The following ZC3H12B variants were observed in gnomAD, a reference collection of about 807,000 sequenced individuals.
The protein encoded by ZC3H12B is probable ribonuclease ZC3H12B.
In ZC3H12B, 7 loss-of-function variants were observed where a neutral mutation model predicts 43.9. That is an observed-to-expected ratio of 0.16 (90% CI 0.09 to 0.30). The LOEUF (loss-of-function observed/expected upper bound fraction) is 0.30, where lower values mean the gene tolerates loss of function less well. Among genes scored for constraint, ZC3H12B ranks in the 10% least tolerant of loss-of-function variants. ZC3H12B has a pLI of 1.00. For synonymous variants in ZC3H12B, 222 were observed against 241.7 expected (o/e 0.92, Z 0.76); for missense variants, 475 against 670.2 (o/e 0.71, Z 3.22).
chrX:65,382,444 G>T (rs1249874417), intron 2 of ZC3H12B, among the ~76,000 whole-genome samples: 1 of 111,121 alleles, frequency 9.0e-6, no homozygotes, highest in African/African-American at 3.3e-5. Flanking sequence ...GTATTGATGG[G>T]ACGTATCTCA....
the ZC3H12B span, among the ~76,000 whole-genome samples, chrX:65,338,098 T>C: frequency 1.8e-5 from 2 of 112,185 alleles, no homozygotes; most frequent in Non-Finnish European, 3.8e-5. Flanking sequence ...ATAGTTTCTA[T>C]TGTATTGTTG....
Position 65,499,786 on chromosome X carries a change from GA to G in ZC3H12B, c.984-96del, listed in dbSNP as rs2068340342. 4.6e-6 allele frequency: 3 copies of G among 655,679 alleles called. No homozygotes were observed. The Admixed American group carries it at 8.4e-5, about 18-fold the overall frequency. 54.0% of individuals were successfully genotyped at this position (655,679 alleles called of 1,213,427 possible). On this transcript the variant is annotated intron_variant, in intron 3 of 4. Coordinates refer to ENST00000338957, the Ensembl canonical transcript of ZC3H12B. ...GCAGGAAGGGCAATTAGAAGGCTGT[GA>G]CAACAGTACAGGCAAGAGGTAATGA...
At chrX:65,153,899 C>T in the ZC3H12B span, among the ~76,000 whole-genome samples, 1 of 110,806 alleles carries the variant, frequency 9.0e-6, no homozygotes, top group Non-Finnish European at 1.9e-5. Flanking sequence ...ACTATGCAGC[C>T]ATAAAAAATG....
the ZC3H12B span, among the ~76,000 whole-genome samples, chrX:65,176,498 G>A: frequency 8.9e-6 from 1 of 111,848 alleles, no homozygotes; most frequent in Admixed American, 9.5e-5. Context: ...CAGCTCTGAA[G>A]AGAGCAACAG....
At chrX:65,249,952 T>C in the ZC3H12B span, among the ~76,000 whole-genome samples, 1 of 110,741 alleles carries the variant, frequency 9.0e-6, no homozygotes, top group African/African-American at 3.3e-5. Context: ...CTTTTTTTTA[T>C]TATACCTTAA....
chrX:65,044,870 C>G, the ZC3H12B span, among the ~76,000 whole-genome samples: 2 of 109,153 alleles, frequency 1.8e-5, no homozygotes, highest in Non-Finnish European at 3.8e-5. Flanking sequence ...TGGCTCACAC[C>G]TGTAATTCCA....
At chrX:65,381,639 C>A (rs1187478827) in intron 2 of ZC3H12B, among the ~76,000 whole-genome samples, 1 of 111,670 alleles carries the variant, frequency 9.0e-6, no homozygotes, top group Non-Finnish European at 1.9e-5. Flanking sequence ...CACAAAAAAA[C>A]CTTCAAAAAA....
At chrX:65,477,949 C>T (rs764184920) in intron 3 of ZC3H12B, among the ~76,000 whole-genome samples, 1 of 107,371 alleles carries the variant, frequency 9.3e-6, no homozygotes, top group Non-Finnish European at 1.9e-5. Context: ...TCTCAGTTAA[C>T]CTGTCAACAT....
At chrX:65,132,088 G>C in the ZC3H12B span, among the ~76,000 whole-genome samples, 32 of 111,571 alleles carry the variant, frequency 2.9e-4, no homozygotes, top group Non-Finnish European at 5.3e-4. Context: ...AAAGCAAAGA[G>C]AGGCTGGGAT....
At chrX:65,173,565 A>G in the ZC3H12B span, among the ~76,000 whole-genome samples, 1 of 112,019 alleles carries the variant, frequency 8.9e-6, no homozygotes, top group Admixed American at 9.5e-5. Flanking sequence ...GGTTTGTCAT[A>G]AACAGCTCTT....
the ZC3H12B span, among the ~76,000 whole-genome samples, chrX:65,355,986 T>C: frequency 8.9e-6 from 1 of 111,915 alleles, no homozygotes; most frequent in Non-Finnish European, 1.9e-5. Flanking sequence ...ATAAAATTCT[T>C]ATAGTCCCCT....
At chrX:65,380,915 A>G (rs2066428787) in intron 2 of ZC3H12B, among the ~76,000 whole-genome samples, 1 of 112,010 alleles carries the variant, frequency 8.9e-6, no homozygotes, top group African/African-American at 3.2e-5. Context: ...TATCCTAAAT[A>G]TATATGCACC....
At chrX:65,394,328 G>T (rs1443820306) in intron 2 of ZC3H12B, among the ~76,000 whole-genome samples, 1 of 112,254 alleles carries the variant, frequency 8.9e-6, no homozygotes, top group African/African-American at 3.2e-5. Flanking sequence ...GGTTTTTATG[G>T]TTTTAGGTTT....
intron 3 of ZC3H12B, among the ~76,000 whole-genome samples, chrX:65,402,957 C>A: frequency 8.9e-6 from 1 of 112,322 alleles, no homozygotes; most frequent in Middle Eastern, 4.6e-3. Context: ...CCCAGGAAAG[C>A]ATAACCTCAC....
the ZC3H12B span, among the ~76,000 whole-genome samples, chrX:65,149,488 G>A: frequency 6.3e-5 from 7 of 110,845 alleles, no homozygotes; most frequent in South Asian, 1.9e-3. Context: ...ATTATGTGCC[G>A]GGTGCAGTGG....
chrX:65,100,583 A>AAAC, the ZC3H12B span, among the ~76,000 whole-genome samples: 1 of 102,376 alleles, frequency 9.8e-6, no homozygotes, highest in Non-Finnish European at 2.0e-5. Context: ...AAAAAAAAAA[A>AAAC]AAAAAAAAAA....
chrX:65,460,407 C>G (rs763050658), intron 3 of ZC3H12B, among the ~76,000 whole-genome samples: 2 of 111,988 alleles, frequency 1.8e-5, no homozygotes, highest in Non-Finnish European at 3.8e-5. Context: ...CCAAGTGAAT[C>G]CTAAACCAAA....
chrX:65,471,157 T>C (rs1200405311), intron 3 of ZC3H12B, among the ~76,000 whole-genome samples: 1 of 111,857 alleles, frequency 8.9e-6, no homozygotes, highest in Admixed American at 9.5e-5. Context: ...ATTATGTTGC[T>C]TTCTCTTCTC....
the ZC3H12B span, among the ~76,000 whole-genome samples, chrX:65,120,710 C>T: frequency 2.7e-5 from 3 of 111,460 alleles, no homozygotes; most frequent in Non-Finnish European, 3.8e-5. Context: ...TGACAGAGGG[C>T]ATCCCTGTCT....
Sources: gnomAD v4.1 joint callset for allele counts (sites outside exome capture counted in the v4.1 genomes callset) on GRCh38, gnomAD v4.1.1 for gene constraint, MANE v1.5 for transcripts, NCBI Gene and HGNC (gene_info 2026-07-23, HGNC 2026-07-21) for gene names.